The following KIT variants were observed in gnomAD, a reference collection of about 807,000 sequenced individuals.
KIT encodes the protein KIT proto-oncogene, receptor tyrosine kinase.
In KIT, 16 loss-of-function variants were observed where a neutral mutation model predicts 105.7. That is an observed-to-expected ratio of 0.15 (90% CI 0.10 to 0.23). The LOEUF (loss-of-function observed/expected upper bound fraction) is 0.23. KIT is among the 10% of genes least tolerant of loss of function. The pLI is 1.00. For missense variants in KIT, 858 were observed against 1,213.8 expected, an observed-to-expected ratio of 0.71 and a Z score of 4.36; for synonymous variants, 438 against 441.1, an observed-to-expected ratio of 0.99 and a Z score of 0.09.
intron 1 of KIT, among the ~76,000 whole-genome samples, chr4:54,658,496 C>G (rs1344578619): frequency 1.3e-5 from 2 of 151,934 alleles, no homozygotes; most frequent in Admixed American, 6.5e-5. Flanking sequence ...TTAAAAGTTG[C>G]GTGTGTGTGA....
At chr4:54,662,626 G>A (rs1302117772) in intron 1 of KIT, among the ~76,000 whole-genome samples, 1 of 152,150 alleles carries the variant, frequency 6.6e-6, no homozygotes, top group African/African-American at 2.4e-5. Context: ...AGGCTGGAGT[G>A]CAATGGCGCA....
Position 54,695,738 on chromosome 4 carries a change from C to G in KIT, c.294C>G (p.Thr98=), listed in dbSNP as rs959320112. 6.2e-7 allele frequency: 1 copy of G among 1,614,228 alleles called. No individual in the cohort carries two copies. Among genetic ancestry groups the G allele is most frequent in the East Asian group, 2.2e-5 (1 of 44,888 alleles). Residue 98 remains threonine, a synonymous_variant, in exon 2 of 21, where the codon ACC becomes ACG. Coordinates refer to ENST00000288135, the MANE Select transcript of KIT (RefSeq NM_000222.3). ...CCAACACCGGCAAATACACGTGCAC[C>G]AACAAACACGGCTTAAGCAATTCCA... ...EATNTGKYTC[T]NKHGLSNSIY...
At chr4:54,663,532 T>C (rs1015563629) in intron 1 of KIT, among the ~76,000 whole-genome samples, 3 of 152,160 alleles carry the variant, frequency 2.0e-5, no homozygotes, top group Admixed American at 6.5e-5. Flanking sequence ...TTTTTTTTTT[T>C]CGTATTAAGA....
chr4:54,713,268 C>A (rs1296480110), intron 7 of KIT, among the ~76,000 whole-genome samples: 1 of 152,046 alleles, frequency 6.6e-6, no homozygotes, highest in Admixed American at 6.6e-5. Context: ...CCCCTCCCAC[C>A]CTTCTTCCTA....
chr4:54,692,226 T>A (rs945793088), intron 1 of KIT, among the ~76,000 whole-genome samples: 1 of 152,218 alleles, frequency 6.6e-6, no homozygotes, highest in Non-Finnish European at 1.5e-5. Flanking sequence ...AGAGCCAGGC[T>A]CTCACTTGGT....
chr4:54,687,788 A>G (rs942535416), intron 1 of KIT, among the ~76,000 whole-genome samples: 11 of 151,606 alleles, frequency 7.3e-5, no homozygotes, highest in Admixed American at 7.2e-4. Context: ...CACATATACA[A>G]AGTCTTCCTG....
At position 54,740,080 on chromosome 4, in the gene KIT, A is replaced by G. The variant is rs1723155810; in HGVS notation, c.*1523A>G. 1 of 233,584 alleles carries G rather than the reference A, an allele frequency of 4.3e-6. No homozygotes were observed. Among genetic ancestry groups the G allele is most frequent in the Admixed American group, 5.6e-5 (1 of 17,784 alleles). The allele number at this position is 233,584 out of a possible 1,614,324, so 14.5% of individuals were successfully genotyped here. ...TCCTCACTGCCCAATATAAAAGGCA[A>G]ATGTGTACATGGCAGAGTTTGTGTG... On this transcript the variant is annotated 3_prime_UTR_variant, in exon 21 of 21. Transcript: ENST00000288135.
chr4:54,715,463 T>C (rs979551375), intron 7 of KIT, among the ~76,000 whole-genome samples: 3 of 151,964 alleles, frequency 2.0e-5, no homozygotes, highest in African/African-American at 7.2e-5. Flanking sequence ...AAACACCTGC[T>C]TCTGGTGAGG....
chr4:54,718,411 A>G (rs1278417779), intron 7 of KIT, among the ~76,000 whole-genome samples: 1 of 152,226 alleles, frequency 6.6e-6, no homozygotes, highest in Non-Finnish European at 1.5e-5. Context: ...TCACAAACTA[A>G]GAACGTTATT....
Position 54,727,999 on chromosome 4 carries a change from T to C in KIT, c.1880-12T>C, listed in dbSNP as rs759738049. Reference sequence around the variant, plus strand: ...TTGTGCTTTTTGCTAAAATGCATGTTTCCAATTTTAGCGAGTGCCCATTTG... The same window carrying C: ...TTGTGCTTTTTGCTAAAATGCATGTCTCCAATTTTAGCGAGTGCCCATTTG... On this transcript the variant is annotated splice_polypyrimidine_tract_variant and intron_variant, in intron 12 of 20. Transcript: ENST00000288135. 6.2e-7 allele frequency: 1 copy of C among 1,613,454 alleles called. No homozygotes were observed. The highest frequency in any genetic ancestry group is 1.1e-5 in the South Asian group (1 of 91,068).
chr4:54,716,855 A>G lies in KIT; in HGVS notation c.1232-6729A>G, dbSNP rs185190546. 2.3e-3 allele frequency among the ~76,000 whole-genome samples: 344 copies of G among 152,336 alleles called. 8 individuals carry two copies. The highest frequency in any genetic ancestry group is 1.3e-3 in the East Asian group (7 of 5,190). ...TTATCTTTCATGCTCTGTGTCTTCA[A>G]CATACGATATGGCAGATATACTGTG... is the stretch of plus-strand genomic sequence containing the variant. On this transcript the variant is annotated intron_variant, in intron 7 of 20. Transcript: ENST00000288135.
chr4:54,668,554 GAATTAGTTAA>G (rs1717871013), intron 1 of KIT, among the ~76,000 whole-genome samples: 1 of 152,216 alleles, frequency 6.6e-6, no homozygotes, highest in Non-Finnish European at 1.5e-5. Context: ...TTAAGCAGAG[GAATTAGTTAA>G]CAGAGTTAGA....
intron 7 of KIT, among the ~76,000 whole-genome samples, chr4:54,717,341 A>G (rs1386525181): frequency 6.6e-6 from 1 of 152,150 alleles, no homozygotes; most frequent in African/African-American, 2.4e-5. Context: ...TCTCATAAGA[A>G]AGTTGGTCTG....
At chr4:54,729,037 ATAG>A (rs1560419054) in intron 13 of KIT, among the ~76,000 whole-genome samples, 1 of 152,204 alleles carries the variant, frequency 6.6e-6, no homozygotes. Flanking sequence ...AAGCTTGATA[ATAG>A]TAGAATCTTT....
intron 7 of KIT, 100 bp from the exon 8 acceptor site, chr4:54,723,484 A>G: frequency 1.3e-6 from 1 of 788,950 alleles, no homozygotes; most frequent in Admixed American, 2.0e-5. Context: ...CAGGCTACTC[A>G]GCAGCCTCAG....
At chr4:54,692,768 C>T (rs2537869) in intron 1 of KIT, among the ~76,000 whole-genome samples, 5,732 of 152,252 alleles carry the variant, frequency 0.038, 369 homozygotes, top group African/African-American at 0.13. Flanking sequence ...CTGCACCTAG[C>T]GGACTCAACG....
intron 1 of KIT, among the ~76,000 whole-genome samples, chr4:54,658,813 A>C (rs1162582009): frequency 1.3e-5 from 2 of 152,162 alleles, no homozygotes; most frequent in African/African-American, 4.8e-5. Flanking sequence ...GGGCGTGTGG[A>C]AAGCAGCCGC....
At chr4:54,658,109 C>G (rs778329597) in intron 1 of KIT, 28 bp downstream of exon 1, 1 of 1,609,742 alleles carries the variant, frequency 6.2e-7, no homozygotes, top group Non-Finnish European at 8.5e-7. Flanking sequence ...GCACCCCGAC[C>G]GTGCGACTAC....
intron 1 of KIT, 148 bp downstream of exon 1, chr4:54,658,229 C>A: frequency 1.3e-6 from 1 of 791,520 alleles, no homozygotes; most frequent in Non-Finnish European, 2.1e-6. Flanking sequence ...CTCCAGGTGG[C>A]CCTCGGACTC....
Sources: gnomAD v4.1 joint callset for allele counts (sites outside exome capture counted in the v4.1 genomes callset) on GRCh38, gnomAD v4.1.1 for gene constraint, MANE v1.5 for transcripts, NCBI Gene and HGNC (gene_info 2026-07-23, HGNC 2026-07-21) for gene names.